IL3RA: variants seen among roughly 807,000 people sequenced by gnomAD.
IL3RA encodes interleukin 3 receptor subunit alpha, also known as interleukin-3 receptor subunit alpha.
In IL3RA, 73 loss-of-function variants were observed where a neutral mutation model predicts 52.3. That is an observed-to-expected ratio of 1.40 (90% CI 1.16 to 1.70). The LOEUF is 1.70. Among genes scored for constraint, IL3RA ranks in the 40% most tolerant of loss-of-function variants. The probability of loss-of-function intolerance (pLI) is 0.00; values close to 1 mark genes in which losing one functional copy is unlikely to be tolerated. For synonymous variants in IL3RA, 260 were observed against 194.0 expected (o/e 1.34, Z -2.83); for missense variants, 664 against 504.4 (o/e 1.32, Z -3.03).
chrX:1,345,039 G>T (rs1260054535), intron 2 of IL3RA, among the ~76,000 whole-genome samples: 11 of 150,700 alleles, frequency 7.3e-5, no homozygotes, highest in South Asian at 2.1e-4. Context: ...CGTGGTGGCG[G>T]GCGCCTGTAG....
chrX:1,341,601 C>T (rs759013669), intron 1 of IL3RA, 127 bp from the exon 2 acceptor site: 3 of 699,910 alleles, frequency 4.3e-6, no homozygotes, highest in African/African-American at 3.5e-5. Flanking sequence ...CACTCACCAC[C>T]GCTTTCCCTC....
chrX:1,358,810 C>T (rs2086931253), intron 7 of IL3RA, 51 bp from the exon 8 acceptor site: 5 of 1,607,102 alleles, frequency 3.1e-6, no homozygotes, highest in Non-Finnish European at 4.3e-6. Flanking sequence ...GAGGAGGAGG[C>T]TTTCAGGGAC....
intron 3 of IL3RA, among the ~76,000 whole-genome samples, chrX:1,347,477 G>A (rs1320673801): frequency 4.6e-5 from 7 of 151,458 alleles, no homozygotes; most frequent in Admixed American, 4.0e-4. Flanking sequence ...ACAAAACGAA[G>A]AATATACAAG....
At chrX:1,348,079 G>C (rs1407719689) in intron 3 of IL3RA, among the ~76,000 whole-genome samples, 4 of 149,194 alleles carry the variant, frequency 2.7e-5, no homozygotes, top group Non-Finnish European at 5.9e-5. Context: ...GGGCACGGTG[G>C]CTCACGCCTG....
intron 3 of IL3RA, among the ~76,000 whole-genome samples, chrX:1,347,912 C>T (rs1328494153): frequency 2.6e-5 from 4 of 151,230 alleles, no homozygotes; most frequent in African/African-American, 9.8e-5. Flanking sequence ...TGGCGGGCGC[C>T]TGTAGTCCCA....
At chrX:1,340,186 G>A (rs1413973631) in intron 1 of IL3RA, among the ~76,000 whole-genome samples, 2 of 142,854 alleles carry the variant, frequency 1.4e-5, no homozygotes, top group African/African-American at 5.1e-5. Flanking sequence ...CGCCATCTCG[G>A]CTCACTGCAA....
chrX:1,340,384 G>T (rs773841161), intron 1 of IL3RA, among the ~76,000 whole-genome samples: 1 of 152,254 alleles, frequency 6.6e-6, no homozygotes, highest in East Asian at 1.9e-4. Context: ...CCAAAGTGCT[G>T]GGATTACTGG....
At position 1,348,673 on chromosome X, in the gene IL3RA, T is replaced by TCTTTC. The variant is rs1491171843; in HGVS notation, c.298+129_298+133dup. 6.4e-6 allele frequency: 3 copies of TCTTTC among 468,362 alleles called. No homozygotes were observed. In the East Asian group the frequency reaches 8.9e-5, roughly 14 times the overall value. 29.0% of individuals were successfully genotyped at this position (468,362 alleles called of 1,614,324 possible). A position where few individuals can be genotyped will look rare whatever the true frequency, so the allele number is the denominator to read the frequency against. ...TTCTTTCTTTCTTTCTTTCTTTCTT[T>TCTTTC]CTTTCTTTCTTTCTTTCTTTTTCTT... On this transcript the variant is annotated intron_variant, in intron 4 of 11. Transcript: ENST00000331035.
At chrX:1,360,992 CCTCTCTGTCTCTCTCTCCCTTCCCCT>C (rs2087255921) in intron 8 of IL3RA, among the ~76,000 whole-genome samples, 2 of 103,246 alleles carry the variant, frequency 1.9e-5, no homozygotes, top group Non-Finnish European at 1.9e-5. Context: ...TCTCCCTTCC[CCTCTCTGTCTCTCTCTCCCTTCCCCT>C]CTGTCTCTCT....
chrX:1,348,528 T>C lies in IL3RA; in HGVS notation c.281T>C (p.Ile94Thr), dbSNP rs759983253. Residue 94 changes from isoleucine (I) to threonine (T), a missense_variant, in exon 4 of 12, where the codon ATC (isoleucine) becomes ACC (threonine). Transcript: ENST00000331035. ...RVANPPFSTWILFPENSGKPW... is the reference protein window; with the variant it reads ...RVANPPFSTWTLFPENSGKPW... ...GCCAACCCACCATTCTCCACGTGGA[T>C]CCTCTTCCCTGAGAACAGTGAGAAA... 6.2e-7 allele frequency: 1 copy of C among 1,613,010 alleles called. No homozygotes were observed. Among genetic ancestry groups the C allele is most frequent in the South Asian group, 1.1e-5 (1 of 91,058 alleles).
intron 6 of IL3RA, 118 bp from the exon 7 acceptor site, chrX:1,356,103 C>T (rs1187255497): frequency 1.3e-5 from 9 of 694,856 alleles, no homozygotes. Context: ...TTTTTCTCTC[C>T]CGCTCTCCAA....
intron 9 of IL3RA, among the ~76,000 whole-genome samples, chrX:1,367,244 G>C (rs1292334082): frequency 2.6e-5 from 1 of 38,862 alleles, no homozygotes; most frequent in South Asian, 1.2e-3. Flanking sequence ...GGGTGCGCGG[G>C]GTGCGCCGGG....
At chrX:1,344,629 C>A (rs745796041) in intron 2 of IL3RA, among the ~76,000 whole-genome samples, 1 of 148,810 alleles carries the variant, frequency 6.7e-6, no homozygotes, top group African/African-American at 2.5e-5. Flanking sequence ...AAAAATTAGC[C>A]GGGCGTGGTG....
intron 6 of IL3RA, among the ~76,000 whole-genome samples, chrX:1,353,459 A>G (rs1323072443): frequency 8.0e-6 from 1 of 125,024 alleles, no homozygotes; most frequent in Non-Finnish European, 1.6e-5. Context: ...TATGGGTCAT[A>G]GAATTCCCCA....
rs1246859929 is a variant in IL3RA at position 1,382,427 on chromosome X, T to C, written c.1099T>C (p.Cys367Arg). 2.5e-6 allele frequency: 4 copies of C among 1,613,404 alleles called. No homozygotes were observed. Among genetic ancestry groups the C allele is most frequent in the Admixed American group, 3.3e-5 (2 of 59,934 alleles). ...GGCGGGCAAAGCCGGCCTGGAGGAG[T>C]GTCTGGTGACTGAAGTACAGGTCGT... Reference protein sequence around the residue: ...WEAGKAGLEECLVTEVQVVQK... With the variant: ...WEAGKAGLEERLVTEVQVVQK... The change falls in exon 12 of 12, where the codon TGT becomes CGT. Residue 367 changes from cysteine to arginine, a missense_variant. Physicochemically the swap from Cys to Arg is radical, Grantham distance 180. Coordinates refer to ENST00000331035, the MANE Select transcript of IL3RA (RefSeq NM_002183.4).
Position 1,339,154 on chromosome X carries a change from T to C in IL3RA, c.-39+2228T>C, listed in dbSNP as rs565587994. Among the ~76,000 whole-genome samples the C allele has an allele frequency of 1.9e-3, 291 of 152,154 alleles. 1 individual carries two copies. The South Asian group carries it at 0.027, about 14-fold the overall frequency. ...CGCGCCTGGCCAATGAAAATATTAA[T>C]CAATAAATGTTAAGAGCACAGATTT... On this transcript the variant is annotated intron_variant, in intron 1 of 11. Transcript: ENST00000331035.
At chrX:1,345,123 G>T (rs1325349463) in intron 2 of IL3RA, among the ~76,000 whole-genome samples, 193 bp from the exon 3 acceptor site, 1 of 150,956 alleles carries the variant, frequency 6.6e-6, no homozygotes. Flanking sequence ...AGCTGAGATC[G>T]TGCCACTGTA....
intron 3 of IL3RA, among the ~76,000 whole-genome samples, chrX:1,348,049 A>AC (rs1451499754): frequency 5.8e-5 from 7 of 121,030 alleles, no homozygotes; most frequent in Non-Finnish European, 1.7e-5. Context: ...AAAAAAAAAA[A>AC]ACAGAAAAAA....
At chrX:1,380,593 GGGA>G (rs1569528595) in intron 10 of IL3RA, among the ~76,000 whole-genome samples, 2 of 21,648 alleles carry the variant, frequency 9.2e-5, no homozygotes, top group South Asian at 3.3e-3. Flanking sequence ...AGGGGGAAGG[GGGA>G]GGAGGAGAGG....
Sources: allele counts gnomAD v4.1 joint callset (sites outside exome capture counted in the v4.1 genomes callset), GRCh38; gene constraint gnomAD v4.1.1; transcripts MANE v1.5; gene names NCBI Gene and HGNC (gene_info 2026-07-23, HGNC 2026-07-21).